Variants in SMIM27 observed in about 807,000 individuals in gnomAD.
SMIM27 encodes TOPORS antisense RNA 1 (non-protein coding).
Under a neutral mutation model 1.8 loss-of-function variants are expected in SMIM27, and 3 were observed. The ratio of observed to expected loss-of-function variants is 1.65; its 90% CI spans 0.75 to 4.28. The LOEUF (loss-of-function observed/expected upper bound fraction) is 4.28. Ranked by LOEUF, SMIM27 falls within the 30% of genes most tolerant of loss-of-function variation. SMIM27 has a pLI of 0.02. For synonymous variants in SMIM27, 19 were observed against 13.9 expected, an observed-to-expected ratio of 1.37 and a Z score of -0.82; for missense variants, 63 against 37.0, an observed-to-expected ratio of 1.70 and a Z score of -1.83.
downstream of SMIM27, among the ~76,000 whole-genome samples, chr9:32,556,807 A>G (rs1196506196): frequency 6.6e-6 from 1 of 151,316 alleles, no homozygotes; most frequent in Non-Finnish European, 1.5e-5. Flanking sequence ...TGTAACACAC[A>G]TCAATGTTAC....
upstream of SMIM27, among the ~76,000 whole-genome samples, chr9:32,552,024 C>T (rs1821282022): frequency 6.6e-6 from 1 of 152,024 alleles, no homozygotes; most frequent in African/African-American, 2.4e-5. Context: ...AGCGTTAATT[C>T]TTCCAGCTTT....
upstream of SMIM27, chr9:32,552,174 C>G (rs1395492848): frequency 6.8e-6 from 3 of 438,966 alleles, no homozygotes; most frequent in Admixed American, 3.9e-5. Flanking sequence ...CCTTAGTTGG[C>G]AAAAAAAAAA....
exon 2 of SMIM27, chr9:32,566,786 G>C (rs1331909383): frequency 1.1e-6 from 1 of 914,090 alleles, no homozygotes; most frequent in Non-Finnish European, 1.8e-6. Context: ...TCTGGCTGAC[G>C]TTGTACAGGA....
At chr9:32,565,904 G>A (rs918637485) in intron 1 of SMIM27, among the ~76,000 whole-genome samples, 22 of 152,202 alleles carry the variant, frequency 1.4e-4, no homozygotes, top group Middle Eastern at 6.8e-3. Flanking sequence ...CCCGGGAGGC[G>A]GAGGTTGCAG....
chr9:32,562,638 T>A (rs978425229), intron 1 of SMIM27, among the ~76,000 whole-genome samples: 1 of 152,226 alleles, frequency 6.6e-6, no homozygotes, highest in Non-Finnish European at 1.5e-5. Context: ...AATTGCTGAC[T>A]AGTTTATTAC....
chr9:32,552,297 G>T (rs774445411), upstream of SMIM27: 1 of 1,293,290 alleles, frequency 7.7e-7, no homozygotes. Context: ...GCCAGCGACA[G>T]CGCTGCACGA....
exon 2 of SMIM27, chr9:32,566,789 G>T: frequency 1.1e-6 from 1 of 911,518 alleles, no homozygotes; most frequent in Non-Finnish European, 1.8e-6. Flanking sequence ...GGCTGACGTT[G>T]TACAGGAGGT....
At chr9:32,564,552 T>C (rs1414998697) in intron 1 of SMIM27, among the ~76,000 whole-genome samples, 1 of 152,146 alleles carries the variant, frequency 6.6e-6, no homozygotes, top group Non-Finnish European at 1.5e-5. Flanking sequence ...ATTAAATAAA[T>C]GCCCATTTCA....
chr9:32,551,217 C>G (rs1821250284), upstream of SMIM27: 2 of 598,834 alleles, frequency 3.3e-6, no homozygotes. Flanking sequence ...CCACTGGGGA[C>G]ACTGACTGAA....
At chr9:32,558,315 G>C (rs984559935) in intron 1 of SMIM27, among the ~76,000 whole-genome samples, 6 of 152,188 alleles carry the variant, frequency 3.9e-5, no homozygotes, top group African/African-American at 1.4e-4. Flanking sequence ...GTTTCACCGT[G>C]TTAGCCAGAA....
chr9:32,562,199 C>T (rs563483025), intron 1 of SMIM27, among the ~76,000 whole-genome samples: 32 of 152,282 alleles, frequency 2.1e-4, no homozygotes, highest in African/African-American at 7.7e-4. Flanking sequence ...GTACTCTTTC[C>T]CAAATTATAC....
At chr9:32,551,156 G>T, upstream of SMIM27, 1 of 694,732 alleles carries the variant, frequency 1.4e-6, no homozygotes, top group South Asian at 1.7e-5. Flanking sequence ...CGCCGCTCCA[G>T]ACCCCGGAGG....
At chr9:32,551,666 C>T, upstream of SMIM27, 2 of 272,978 alleles carry the variant, frequency 7.3e-6, no homozygotes, top group Non-Finnish European at 8.1e-6. Context: ...CAAATGTGAG[C>T]GCCCCAAACA....
intron 1 of SMIM27, among the ~76,000 whole-genome samples, chr9:32,559,972 C>T (rs1222170626): frequency 1.3e-5 from 2 of 152,114 alleles, no homozygotes; most frequent in Non-Finnish European, 2.9e-5. Context: ...GATACCACTG[C>T]CCAAAATTTA....
At chr9:32,552,627 A>AG in intron 1 of SMIM27, 148 bp downstream of exon 1, 1 of 722,580 alleles carries the variant, frequency 1.4e-6, no homozygotes, top group Non-Finnish European at 2.4e-6. Context: ...CTCTTCCTGG[A>AG]GGATACGATC....
downstream of SMIM27, among the ~76,000 whole-genome samples, chr9:32,557,388 C>T (rs1394919790): frequency 1.3e-5 from 2 of 151,798 alleles, no homozygotes; most frequent in Non-Finnish European, 2.9e-5. Context: ...AGGCTGGTCT[C>T]GAACCCCTAG....
intron 1 of SMIM27, among the ~76,000 whole-genome samples, chr9:32,564,845 C>A (rs1302866611): frequency 6.6e-6 from 1 of 152,204 alleles, no homozygotes; most frequent in Non-Finnish European, 1.5e-5. Context: ...ACTACAACAT[C>A]CTTTTGCACT....
chr9:32,564,516 T>A (rs200040913), intron 1 of SMIM27, among the ~76,000 whole-genome samples: 84,317 of 151,466 alleles, frequency 0.56, 23,730 homozygotes, highest in Middle Eastern at 0.68. Context: ...TACACTTTTT[T>A]AAAAAAAAGT....
rs1048795548 is a variant in SMIM27 at position 32,561,112 on chromosome 9, A to C, written c.46-5279A>C. 2.0e-5 allele frequency among the ~76,000 whole-genome samples: 3 copies of C among 152,354 alleles called. No homozygotes were observed. In the South Asian group the frequency reaches 6.2e-4, roughly 32 times the overall value. ...TAAAGCCCATCAACAACAGAAATACAAACTATTCTCTCACCCTTAGATATA... is the reference window on the plus strand; with the variant it reads ...TAAAGCCCATCAACAACAGAAATACCAACTATTCTCTCACCCTTAGATATA... On this transcript the variant is annotated intron_variant, in intron 1 of 1. Transcript: ENST00000451672.
Sources: gnomAD v4.1 joint callset for allele counts (sites outside exome capture counted in the v4.1 genomes callset) on GRCh38, gnomAD v4.1.1 for gene constraint, MANE v1.5 for transcripts, NCBI Gene and HGNC (gene_info 2026-07-23, HGNC 2026-07-21) for gene names.